Variants in ADHFE1 observed in about 807,000 individuals in gnomAD.
ADHFE1 encodes hydroxyacid-oxoacid transhydrogenase, mitochondrial.
A neutral mutation model predicts 54.8 loss-of-function variants in ADHFE1; 37 were observed. The ratio of observed to expected loss-of-function variants is 0.68; its 90% CI spans 0.52 to 0.89. The LOEUF (loss-of-function observed/expected upper bound fraction) is 0.89, where lower values mean the gene tolerates loss of function less well. Among genes scored for constraint, ADHFE1 ranks in the 40% least tolerant of loss-of-function variants. The pLI is 0.00. For synonymous variants in ADHFE1, 203 were observed against 229.3 expected (o/e 0.89, Z 1.04); for missense variants, 601 against 591.2 (o/e 1.02, Z -0.17).
In ADHFE1 at chr8:66,454,162, G is replaced by A; in HGVS notation, c.986+5G>A. On this transcript the variant is annotated splice_donor_5th_base_variant and intron_variant, in intron 10 of 13. Coordinates refer to ENST00000396623, the MANE Select transcript of ADHFE1 (RefSeq NM_144650.3). ...AAATGCTGGTGTTCATCTGTGGTGA[G>A]CAAGTCTGAGATTTCATTTCTTTAC... is the stretch of plus-strand genomic sequence containing the variant. The A allele has an allele frequency of 6.2e-7, 1 of 1,613,514 alleles. No homozygotes were observed. The highest frequency in any genetic ancestry group is 1.7e-5 in the Admixed American group (1 of 59,926).
In ADHFE1 at chr8:66,432,589, C is replaced by T. The variant is rs1805253220; in HGVS notation, c.59+14C>T. 7.6e-7 allele frequency: 1 copy of T among 1,307,270 alleles called. No individual in the cohort carries two copies. Among genetic ancestry groups the T allele is most frequent in the Non-Finnish European group, 9.8e-7 (1 of 1,022,338 alleles). 81.0% of individuals were successfully genotyped at this position (1,307,270 alleles called of 1,614,324 possible). ...GCAACGCGCAGCGTGAGTGCGGGGC[C>T]GGCGGGCGGGCAGGGGACCGCAGGG... On this transcript the variant is annotated intron_variant, in intron 1 of 13. Transcript: ENST00000396623.
intron 8 of ADHFE1, 107 bp downstream of exon 8, chr8:66,449,077 A>T: frequency 1.0e-6 from 1 of 986,026 alleles, no homozygotes; most frequent in Non-Finnish European, 1.5e-6. Flanking sequence ...ACCCCACAAC[A>T]TCCCTAGCTT....
intron 13 of ADHFE1, 52 bp from the exon 14 acceptor site, chr8:66,468,217 T>C: frequency 1.4e-6 from 2 of 1,424,334 alleles, no homozygotes; most frequent in Non-Finnish European, 1.9e-6. Context: ...TTGTAGCTTT[T>C]ACAAACTGCC....
At chr8:66,448,768 A>C in intron 7 of ADHFE1, 97 bp from the exon 8 acceptor site, 1 of 1,103,774 alleles carries the variant, frequency 9.1e-7, no homozygotes, top group Admixed American at 2.1e-5. Flanking sequence ...CTTTTCTCAT[A>C]TTTTTATTTT....
intron 1 of ADHFE1, among the ~76,000 whole-genome samples, chr8:66,438,873 A>G (rs1354416555): frequency 1.3e-5 from 2 of 152,118 alleles, no homozygotes; most frequent in South Asian, 2.1e-4. Context: ...GGAAGAAAAA[A>G]AAAAGGTGGC....
Position 66,468,258 on chromosome 8 carries a change from T to G in ADHFE1, c.1321-11T>G, listed in dbSNP as rs1230303534. 6.2e-7 allele frequency: 1 copy of G among 1,606,972 alleles called. No individual in the cohort carries two copies. Among genetic ancestry groups the G allele is most frequent in the Non-Finnish European group, 8.5e-7 (1 of 1,177,112 alleles). On this transcript the variant is annotated splice_polypyrimidine_tract_variant and intron_variant, in intron 13 of 13. Transcript: ENST00000396623. ...AAAGCCCTGGGTAACTTCTTTCATT[T>G]ACTGTTTCAGGAAAGGGTCACCAAG...
At chr8:66,455,593 C>T (rs1010533779) in intron 10 of ADHFE1, among the ~76,000 whole-genome samples, 4 of 152,190 alleles carry the variant, frequency 2.6e-5, no homozygotes, top group Non-Finnish European at 5.9e-5. Context: ...CCCCTGGCCC[C>T]ACCAATTCTC....
At chr8:66,441,103 G>A (rs188009281) in intron 2 of ADHFE1, among the ~76,000 whole-genome samples, 3 of 152,210 alleles carry the variant, frequency 2.0e-5, no homozygotes, top group East Asian at 1.9e-4. Flanking sequence ...TGATTTTCTC[G>A]AATTCTTAGT....
At chr8:66,466,046 T>C (rs1241869407) in intron 13 of ADHFE1, among the ~76,000 whole-genome samples, 1 of 151,828 alleles carries the variant, frequency 6.6e-6, no homozygotes, top group Non-Finnish European at 1.5e-5. Flanking sequence ...ATCTGTTTTT[T>C]TTTTTCTTTT....
intron 6 of ADHFE1, 77 bp from the exon 7 acceptor site, chr8:66,447,187 A>G: frequency 8.0e-7 from 1 of 1,254,966 alleles, no homozygotes; most frequent in Non-Finnish European, 1.1e-6. Flanking sequence ...TTTGTTCCTC[A>G]GTCCTAAGGC....
At chr8:66,455,169 T>C (rs1400545689) in intron 10 of ADHFE1, among the ~76,000 whole-genome samples, 3 of 152,236 alleles carry the variant, frequency 2.0e-5, no homozygotes, top group Admixed American at 1.3e-4. Context: ...TGCTGGGTCA[T>C]ATGGTAATTC....
intron 8 of ADHFE1, among the ~76,000 whole-genome samples, chr8:66,450,072 A>G (rs998092510): frequency 2.0e-5 from 3 of 152,240 alleles, no homozygotes; most frequent in Non-Finnish European, 4.4e-5. Flanking sequence ...AGGAGGTGAC[A>G]GAGTTAGAAC....
chr8:66,439,852 C>G lies in ADHFE1; in HGVS notation c.60-310C>G, dbSNP rs2081432241. 4.1e-6 allele frequency: 4 copies of G among 974,692 alleles called. No homozygotes were observed. In the African/African-American group the frequency reaches 6.8e-5, roughly 17 times the overall value. The allele number at this position is 974,692 out of a possible 1,614,324, so 60.4% of individuals were successfully genotyped here. A position where few individuals can be genotyped will look rare whatever the true frequency, so the allele number is the denominator to read the frequency against. ...GGGGCTTCATGGAGACCAGAGACCC[C>G]CATCTTAAACTTGCATGTACCCCCA... On this transcript the variant is annotated intron_variant, in intron 1 of 13. Transcript: ENST00000396623. This position sits in a 1 kb window ranked among gnomAD's most constrained non-coding sequence, Gnocchi z 4.4.
chr8:66,453,920 T>G, intron 9 of ADHFE1, 139 bp from the exon 10 acceptor site: 3 of 1,522,162 alleles, frequency 2.0e-6, no homozygotes, highest in South Asian at 1.3e-5. Flanking sequence ...AAGGCGTCGT[T>G]TGAATAACTT....
At chr8:66,447,485 C>A in intron 7 of ADHFE1, 144 bp downstream of exon 7, 2 of 681,364 alleles carry the variant, frequency 2.9e-6, no homozygotes, top group Middle Eastern at 4.0e-4. Flanking sequence ...CGAAAGTCAG[C>A]AACAAAGTAT....
intron 5 of ADHFE1, 110 bp from the exon 6 acceptor site, chr8:66,445,108 A>T (rs1235595374): frequency 8.9e-7 from 1 of 1,129,394 alleles, no homozygotes; most frequent in African/African-American, 1.6e-5. Flanking sequence ...CTCAAAAAAA[A>T]AACAAAAACA....
In ADHFE1 at chr8:66,448,939, G is replaced by A. The variant is rs767582148; in HGVS notation, c.703G>A (p.Val235Met). Residue 235 changes from valine (V) to methionine (M), a missense_variant, in exon 8 of 14, where the codon GTG (valine) becomes ATG (methionine). Physicochemically the swap from Val to Met is conservative, Grantham distance 21 (BLOSUM62 1). Transcript: ENST00000396623. ...GCACACCCTCCACATGCCTGCCCGA[G>A]TGGTCGCCAACAGTGGCTTTGATGT... Reference protein sequence around the residue: ...PLHTLHMPARVVANSGFDVLC... With the variant: ...PLHTLHMPARMVANSGFDVLC... 40 of 1,613,978 alleles carry A rather than the reference G, an allele frequency of 2.5e-5. No individual in the cohort carries two copies. Among genetic ancestry groups the A allele is most frequent in the Non-Finnish European group, 3.0e-5 (35 of 1,180,026 alleles).
At chr8:66,443,222 T>TATA (rs1205779431) in intron 3 of ADHFE1, among the ~76,000 whole-genome samples, 2 of 151,756 alleles carry the variant, frequency 1.3e-5, no homozygotes, top group African/African-American at 4.8e-5. Context: ...CATAATTACT[T>TATA]ATAATTATTT....
chr8:66,463,245 C>T (rs1201548070), intron 13 of ADHFE1, among the ~76,000 whole-genome samples: 1 of 152,232 alleles, frequency 6.6e-6, no homozygotes, highest in Admixed American at 6.5e-5. Flanking sequence ...CTGAATGCCT[C>T]AGTGCACATG....
Sources: allele counts gnomAD v4.1 joint callset (sites outside exome capture counted in the v4.1 genomes callset), GRCh38; gene constraint gnomAD v4.1.1; non-coding constraint Gnocchi (gnomAD v3.1); transcripts MANE v1.5; gene names NCBI Gene and HGNC (gene_info 2026-07-23, HGNC 2026-07-21).